The following RALGAPA2 variants were observed in gnomAD, a reference collection of about 807,000 sequenced individuals.
RALGAPA2 encodes the protein ral GTPase-activating protein subunit alpha-2.
RALGAPA2 carries 139 observed loss-of-function variants against 230.4 expected under a neutral mutation model. That is an observed-to-expected ratio of 0.60 (90% confidence interval 0.53 to 0.69). RALGAPA2 has a LOEUF of 0.69. RALGAPA2 is among the 30% of genes least tolerant of loss of function. The pLI, the probability that RALGAPA2 is intolerant of heterozygous loss-of-function variation, is 0.00. For missense variants in RALGAPA2, 2,163 were observed against 2,276.0 expected, an observed-to-expected ratio of 0.95 and a Z score of 1.01; for synonymous variants, 847 against 837.8, an observed-to-expected ratio of 1.01 and a Z score of -0.19.
intron 8 of RALGAPA2, among the ~76,000 whole-genome samples, chr20:20,636,664 C>T (rs2146476956): frequency 6.6e-6 from 1 of 152,186 alleles, no homozygotes; most frequent in South Asian, 2.1e-4. Flanking sequence ...CTCGTGTCAC[C>T]ACTTCCCCTC....
chr20:20,520,833 TA>T (rs936992498), intron 31 of RALGAPA2, 83 bp downstream of exon 31: 2,712 of 1,148,452 alleles, frequency 2.4e-3, no homozygotes, highest in South Asian at 3.9e-3. Context: ...ACAACTAGAT[TA>T]AAAAAAAATA....
chr20:20,433,583 T>C (rs528159937), intron 37 of RALGAPA2, among the ~76,000 whole-genome samples: 1 of 152,298 alleles, frequency 6.6e-6, no homozygotes, highest in Non-Finnish European at 1.5e-5. Context: ...GTTTGACTTA[T>C]CTCATGAGGC....
At chr20:20,518,232 T>C in intron 31 of RALGAPA2, among the ~76,000 whole-genome samples, 1 of 152,146 alleles carries the variant, frequency 6.6e-6, no homozygotes, top group East Asian at 1.9e-4. Context: ...ATTTTTTGTA[T>C]TTTTAGTAGA....
At chr20:20,469,511 T>C (rs2061492892) in intron 37 of RALGAPA2, among the ~76,000 whole-genome samples, 1 of 152,234 alleles carries the variant, frequency 6.6e-6, no homozygotes, top group African/African-American at 2.4e-5. Flanking sequence ...AGCCCAGTTC[T>C]CTCCATCAAA....
intron 13 of RALGAPA2, among the ~76,000 whole-genome samples, chr20:20,612,843 T>C (rs1318954732): frequency 6.6e-6 from 1 of 152,158 alleles, no homozygotes; most frequent in Non-Finnish European, 1.5e-5. Flanking sequence ...CAGCACCTAG[T>C]ATCACCACTG....
chr20:20,653,632 C>T (rs1444076740), intron 3 of RALGAPA2, 45 bp from the exon 4 acceptor site: 49 of 1,195,820 alleles, frequency 4.1e-5, no homozygotes, highest in Non-Finnish European at 5.6e-5. Flanking sequence ...AATGAAATTA[C>T]ACATTTTCAT....
intron 38 of RALGAPA2, among the ~76,000 whole-genome samples, chr20:20,405,935 T>C (rs6046834): frequency 0.11 from 17,471 of 152,232 alleles, 2,886 homozygotes; most frequent in African/African-American, 0.37. Context: ...TCCTTTCTAT[T>C]CACTCCTGTT....
chr20:20,711,561 C>T (rs2069870763), intron 1 of RALGAPA2, among the ~76,000 whole-genome samples: 1 of 152,164 alleles, frequency 6.6e-6, no homozygotes, highest in African/African-American at 2.4e-5. Flanking sequence ...GTGGACACCT[C>T]ACACCCACAG....
intron 4 of RALGAPA2, among the ~76,000 whole-genome samples, chr20:20,651,593 A>C (rs1252071163): frequency 6.6e-6 from 1 of 152,196 alleles, no homozygotes; most frequent in East Asian, 1.9e-4. Context: ...AGCAATTTTA[A>C]CCAGTTTATG....
At chr20:20,457,554 C>T (rs2061151042) in intron 37 of RALGAPA2, among the ~76,000 whole-genome samples, 1 of 152,232 alleles carries the variant, frequency 6.6e-6, no homozygotes, top group Non-Finnish European at 1.5e-5. Flanking sequence ...AATATTTACT[C>T]TGCAGCAGGT....
At chr20:20,394,995 G>A (rs960500142) in intron 39 of RALGAPA2, among the ~76,000 whole-genome samples, 1 of 150,830 alleles carries the variant, frequency 6.6e-6, no homozygotes, top group African/African-American at 2.4e-5. Context: ...AAACATTTTA[G>A]TTCCTCTGCC....
intron 10 of RALGAPA2, among the ~76,000 whole-genome samples, chr20:20,625,685 T>C (rs1462820115): frequency 6.6e-6 from 1 of 152,196 alleles, no homozygotes; most frequent in Non-Finnish European, 1.5e-5. Context: ...TCTGTTTCAT[T>C]GTTTAAAAAA....
chr20:20,419,008 G>A (rs1241640360), intron 37 of RALGAPA2, among the ~76,000 whole-genome samples: 1 of 152,174 alleles, frequency 6.6e-6, no homozygotes, highest in Non-Finnish European at 1.5e-5. Flanking sequence ...CCAGAGTGCT[G>A]GGATTACAGG....
intron 36 of RALGAPA2, among the ~76,000 whole-genome samples, chr20:20,478,425 T>C (rs1012258639): frequency 6.6e-6 from 1 of 151,978 alleles, no homozygotes; most frequent in Non-Finnish European, 1.5e-5. Context: ...AAAGTCATCA[T>C]TTAAAAATAG....
chr20:20,624,324 T>A, intron 10 of RALGAPA2, among the ~76,000 whole-genome samples: 1 of 105,074 alleles, frequency 9.5e-6, no homozygotes, highest in East Asian at 2.9e-4. Context: ...CGAGACTCCA[T>A]CTCCAAAAAA....
intron 23 of RALGAPA2, among the ~76,000 whole-genome samples, chr20:20,567,803 C>T (rs2064483790): frequency 6.7e-6 from 1 of 149,914 alleles, no homozygotes; most frequent in Non-Finnish European, 1.5e-5. Flanking sequence ...GATTGTGTCA[C>T]TGCGCTCCAG....
chr20:20,478,260 C>A (rs1228440086), intron 36 of RALGAPA2, among the ~76,000 whole-genome samples: 1 of 152,080 alleles, frequency 6.6e-6, no homozygotes, highest in Non-Finnish European at 1.5e-5. Flanking sequence ...TACCTTATAG[C>A]AGTACTTACA....
In RALGAPA2 at chr20:20,392,808, C is replaced by T. The variant is rs1224997696; in HGVS notation, c.*481G>A. On this transcript the variant is annotated 3_prime_UTR_variant, in exon 40 of 40. Coordinates refer to ENST00000202677, the MANE Select transcript of RALGAPA2 (RefSeq NM_020343.4). ...CAATTAGACAATTGTTTTGCCAGCC[C>T]CTTTGTGAATCATGCTTGGGTTCAT... 1 of 190,752 alleles carries T rather than the reference C, an allele frequency of 5.2e-6. No individual in the cohort carries two copies. Among genetic ancestry groups the T allele is most frequent in the Non-Finnish European group, 1.1e-5 (1 of 90,408 alleles). 11.8% of individuals were successfully genotyped at this position (190,752 alleles called of 1,614,324 possible). A position where few individuals can be genotyped will look rare whatever the true frequency, so the allele number is the denominator to read the frequency against.
chr20:20,499,032 G>C (rs909208386), intron 35 of RALGAPA2, among the ~76,000 whole-genome samples: 10 of 152,184 alleles, frequency 6.6e-5, no homozygotes, highest in African/African-American at 2.4e-4. Context: ...CCCATGATGG[G>C]GGCAGAAGAG....
Sources: gnomAD v4.1 joint callset for allele counts (sites outside exome capture counted in the v4.1 genomes callset) on GRCh38, gnomAD v4.1.1 for gene constraint, MANE v1.5 for transcripts, NCBI Gene and HGNC (gene_info 2026-07-23, HGNC 2026-07-21) for gene names.